ZFP14: variants seen among roughly 807,000 people sequenced by gnomAD.
The protein encoded by ZFP14 is zinc finger protein 14 homolog.
A neutral mutation model predicts 54.5 loss-of-function variants in ZFP14; 22 were observed. The observed-to-expected ratio is 0.40, with a 90% CI of 0.29 to 0.58. ZFP14 has a LOEUF of 0.58. Among genes scored for constraint, ZFP14 ranks in the 20% least tolerant of loss-of-function variants. The pLI is 0.39. For missense variants in ZFP14, 470 were observed against 637.8 expected (o/e 0.74, Z 2.83); for synonymous variants, 159 against 204.0 (o/e 0.78, Z 1.88).
rs138777963 is a variant in ZFP14 at position 36,364,940 on chromosome 19, T to C, written c.10-2702A>G. 5.6e-3 allele frequency among the ~76,000 whole-genome samples: 848 copies of C among 151,742 alleles called. 13 individuals are homozygous for C. The highest frequency in any genetic ancestry group is 0.02 in the African/African-American group (813 of 41,430). ...TATTTTCCCATCATTTTATTTACTT[T>C]CTTTCCTTCCTTCCTCCTTCTTTCT... On this transcript the variant is annotated intron_variant, in intron 2 of 4. Coordinates refer to ENST00000270001, the MANE Select transcript of ZFP14 (RefSeq NM_020917.3).
intron 4 of ZFP14, among the ~76,000 whole-genome samples, chr19:36,347,574 A>G (rs2031440387): frequency 1.3e-5 from 2 of 152,074 alleles, no homozygotes; most frequent in Non-Finnish European, 2.9e-5. Flanking sequence ...ACGCCACTGC[A>G]CTATAGCCTG....
chr19:36,341,311 T>TTTC lies in ZFP14; in HGVS notation c.514_515insGAA (p.Tyr172delinsTer). 6.2e-7 allele frequency: 1 copy of TTTC among 1,614,230 alleles called. No homozygotes were observed. Among genetic ancestry groups the TTTC allele is most frequent in the Non-Finnish European group, 8.5e-7 (1 of 1,180,042 alleles). Reference sequence around the variant, plus strand: ...GGTCTTCCTACACTCCTTACACTCATACACCTTTTCTCCATTATGAACGAT... The same window carrying TTTC: ...GGTCTTCCTACACTCCTTACACTCATTTCACACCTTTTCTCCATTATGAACGAT... On this transcript the variant is annotated stop_gained, in exon 5 of 5. Transcript: ENST00000270001. LOFTEE classifies it high-confidence loss of function. This position sits in a 1 kb window ranked among gnomAD's most constrained non-coding sequence, Gnocchi z 4.2.
chr19:36,369,131 C>G (rs776471774), intron 1 of ZFP14, among the ~76,000 whole-genome samples: 18 of 152,074 alleles, frequency 1.2e-4, no homozygotes, highest in African/African-American at 3.6e-4. Flanking sequence ...CGTGAGCCAC[C>G]GTGCCCGGCC....
intron 1 of ZFP14, chr19:36,378,367 A>C (rs2031995884): frequency 6.6e-6 from 1 of 152,248 alleles, no homozygotes; most frequent in South Asian, 2.1e-4. Context: ...TTTTACAACT[A>C]CTGCACCACC....
chr19:36,363,155 C>T (rs1217644049), intron 2 of ZFP14, among the ~76,000 whole-genome samples: 1 of 150,942 alleles, frequency 6.6e-6, no homozygotes, highest in Non-Finnish European at 1.5e-5. Flanking sequence ...AAGATATCAC[C>T]TGGACACCAT....
At chr19:36,369,780 A>C (rs2031852665) in intron 1 of ZFP14, among the ~76,000 whole-genome samples, 1 of 152,038 alleles carries the variant, frequency 6.6e-6, no homozygotes, top group Non-Finnish European at 1.5e-5. Flanking sequence ...ACCAGGAGAA[A>C]TCTGATCATC....
rs536369284 is a variant in ZFP14, at chr19:36,358,038, C to T, written c.235+2397G>A. Among the ~76,000 whole-genome samples, 5 of 149,056 alleles carry T rather than the reference C, an allele frequency of 3.4e-5. No homozygotes were observed. In the South Asian group the frequency reaches 6.5e-4, roughly 19 times the overall value. ...GATTCCAGGCATGAGCCACCATGCC[C>T]GGCTCTGATCTATCTATCTATCTAT... is the stretch of plus-strand genomic sequence containing the variant. On this transcript the variant is annotated intron_variant, in intron 4 of 4. Transcript: ENST00000270001.
At chr19:36,366,210 G>A (rs2031792045) in intron 2 of ZFP14, among the ~76,000 whole-genome samples, 1 of 151,966 alleles carries the variant, frequency 6.6e-6, no homozygotes, top group South Asian at 2.1e-4. Flanking sequence ...GGAGGTTGCA[G>A]TGAGCCGAGA....
chr19:36,337,771 A>C lies in ZFP14; in HGVS notation c.*2453T>G, dbSNP rs2031232333. 1 of 152,044 alleles carries C rather than the reference A, an allele frequency of 6.6e-6. No individual in the cohort carries two copies. The highest frequency in any genetic ancestry group is 1.5e-5 in the Non-Finnish European group (1 of 68,006). 9.4% of individuals were successfully genotyped at this position (152,044 alleles called of 1,614,324 possible). ...CGTCAGGAAGTGTGTTGTCTGATAG[A>C]CCCATTTTTATTAAGGTTAAAACAG... is the stretch of plus-strand genomic sequence containing the variant. On this transcript the variant is annotated 3_prime_UTR_variant, in exon 5 of 5. Coordinates refer to ENST00000270001, the MANE Select transcript of ZFP14 (RefSeq NM_020917.3).
At chr19:36,369,650 A>G (rs1399468693) in intron 1 of ZFP14, among the ~76,000 whole-genome samples, 1 of 151,788 alleles carries the variant, frequency 6.6e-6, no homozygotes, top group African/African-American at 2.4e-5. Context: ...ACCTCAATTG[A>G]TCCACCCGCC....
chr19:36,356,749 T>C (rs572495522), intron 4 of ZFP14, among the ~76,000 whole-genome samples: 1,507 of 61,836 alleles, frequency 0.024, 19 homozygotes, highest in African/African-American at 0.067. Context: ...CCATTTGTGA[T>C]TGATTTTGTC....
At chr19:36,367,587 T>C (rs1158903635) in intron 2 of ZFP14, among the ~76,000 whole-genome samples, 1 of 152,054 alleles carries the variant, frequency 6.6e-6, no homozygotes, top group East Asian at 1.9e-4. Context: ...TTCCAGCAAT[T>C]CTCCTGCCTC....
intron 2 of ZFP14, among the ~76,000 whole-genome samples, chr19:36,367,475 A>G (rs1018482551): frequency 6.6e-5 from 10 of 152,058 alleles, no homozygotes; most frequent in African/African-American, 2.4e-4. Context: ...AGGGAAAAGA[A>G]CTGGAGTAGG....
intron 4 of ZFP14, among the ~76,000 whole-genome samples, chr19:36,354,792 C>A (rs563008718): frequency 2.8e-5 from 4 of 143,010 alleles, no homozygotes; most frequent in African/African-American, 1.0e-4. Flanking sequence ...CTGCCTTAGC[C>A]TCCTGAGTAG....
At chr19:36,366,408 T>TC (rs1354473500) in intron 2 of ZFP14, among the ~76,000 whole-genome samples, 2 of 152,110 alleles carry the variant, frequency 1.3e-5, no homozygotes, top group East Asian at 3.9e-4. Context: ...AACCTCCACC[T>TC]CCCGAGCTCT....
chr19:36,344,485 A>G (rs1416702378), intron 4 of ZFP14, among the ~76,000 whole-genome samples: 2 of 152,196 alleles, frequency 1.3e-5, no homozygotes, highest in Non-Finnish European at 2.9e-5. Flanking sequence ...AATACATAAT[A>G]GATATTACCA....
chr19:36,369,028 G>C (rs1349928529), intron 1 of ZFP14, among the ~76,000 whole-genome samples: 1 of 152,120 alleles, frequency 6.6e-6, no homozygotes, highest in Admixed American at 6.6e-5. Context: ...TTTTAGTAGA[G>C]ACGGGGTTTC....
chr19:36,359,708 G>A (rs1049891140), intron 4 of ZFP14, among the ~76,000 whole-genome samples: 1 of 152,044 alleles, frequency 6.6e-6, no homozygotes, highest in Non-Finnish European at 1.5e-5. Context: ...AGGCTGGAGT[G>A]CAGTGGCGTG....
chr19:36,371,777 G>A (rs756963507), intron 1 of ZFP14, among the ~76,000 whole-genome samples: 2 of 152,102 alleles, frequency 1.3e-5, no homozygotes, highest in Non-Finnish European at 2.9e-5. Context: ...GCAACATAGC[G>A]AGACTCATCT....
Sources: allele counts gnomAD v4.1 joint callset (sites outside exome capture counted in the v4.1 genomes callset), GRCh38; gene constraint gnomAD v4.1.1; non-coding constraint Gnocchi (gnomAD v3.1); transcripts MANE v1.5; gene names NCBI Gene and HGNC (gene_info 2026-07-23, HGNC 2026-07-21).